Variants in FAM193A observed in about 807,000 individuals in gnomAD.
The protein encoded by FAM193A is family with sequence similarity 193 member A, also known as protein FAM193A.
In FAM193A, 22 loss-of-function variants were observed where a neutral mutation model predicts 126.5. That is an observed-to-expected ratio of 0.17 (90% CI 0.12 to 0.25). The LOEUF is 0.25. Among genes scored for constraint, FAM193A ranks in the 10% least tolerant of loss-of-function variants. The pLI is 1.00. For missense variants in FAM193A, 1,675 were observed against 1,672.8 expected, an observed-to-expected ratio of 1.00 and a Z score of -0.02; for synonymous variants, 761 against 646.8, an observed-to-expected ratio of 1.18 and a Z score of -2.68.
At chr4:2,584,291 G>A (rs972954748) in intron 1 of FAM193A, among the ~76,000 whole-genome samples, 1 of 151,904 alleles carries the variant, frequency 6.6e-6, no homozygotes, top group African/African-American at 2.4e-5. Flanking sequence ...GCGGTGCTTG[G>A]TGGCTCGCAC....
At chr4:2,694,242 C>T (rs973494925) in intron 16 of FAM193A, among the ~76,000 whole-genome samples, 20 of 152,216 alleles carry the variant, frequency 1.3e-4, no homozygotes, top group Admixed American at 1.3e-3. Context: ...CACAATACAA[C>T]AAACACTCAA....
intron 1 of FAM193A, among the ~76,000 whole-genome samples, chr4:2,568,452 G>C (rs846100): frequency 6.6e-6 from 1 of 152,202 alleles, no homozygotes; most frequent in Non-Finnish European, 1.5e-5. Context: ...CCCAGGAGTT[G>C]CAGGCTACAG....
intron 19 of FAM193A, among the ~76,000 whole-genome samples, chr4:2,710,915 G>C (rs1181924786): frequency 7.0e-6 from 1 of 143,256 alleles, no homozygotes; most frequent in Non-Finnish European, 1.5e-5. Context: ...GCAGTGGTGT[G>C]ATCTTGGCTC....
At chr4:2,672,994 TTTTTATGCATTTCTTCCC>T (rs1422069593) in intron 13 of FAM193A, among the ~76,000 whole-genome samples, 1 of 152,164 alleles carries the variant, frequency 6.6e-6, no homozygotes, top group Non-Finnish European at 1.5e-5. Context: ...AATAAGTTGA[TTTTTATGCATTTCTTCCC>T]AGAGAACCTC....
chr4:2,588,308 G>A (rs914501552), intron 1 of FAM193A, among the ~76,000 whole-genome samples: 2 of 152,220 alleles, frequency 1.3e-5, no homozygotes, highest in South Asian at 2.1e-4. Flanking sequence ...ACCTTAAGTC[G>A]TCTCCTCATC....
chr4:2,625,548 A>G (rs1158395195), intron 3 of FAM193A, 153 bp downstream of exon 3: 7 of 467,824 alleles, frequency 1.5e-5, no homozygotes, highest in Middle Eastern at 5.5e-4. Context: ...CATATGAGTA[A>G]GACAAAAACT....
intron 1 of FAM193A, among the ~76,000 whole-genome samples, chr4:2,539,399 C>T (rs1484654112): frequency 6.6e-6 from 1 of 152,088 alleles, no homozygotes; most frequent in Non-Finnish European, 1.5e-5. Flanking sequence ...CTGTGATATT[C>T]TGTTAAACTA....
rs1220036870 is a variant in FAM193A at position 2,541,137 on chromosome 4, G to A, written c.255+3967G>A. Among the ~76,000 whole-genome samples, 9 of 151,902 alleles carry A rather than the reference G, an allele frequency of 5.9e-5. No homozygotes were observed. In the South Asian group the frequency reaches 6.2e-4, roughly 11 times the overall value. On this transcript the variant is annotated intron_variant, in intron 1 of 20. Transcript: ENST00000637812. ...AATACAAAATTAACTGGGTGTGGTGGCGCATGCCTGTAATCCTAGCTACTC... is the reference window on the plus strand; with the variant it reads ...AATACAAAATTAACTGGGTGTGGTGACGCATGCCTGTAATCCTAGCTACTC...
At chr4:2,662,614 T>C (rs1712593495) in intron 10 of FAM193A, among the ~76,000 whole-genome samples, 1 of 152,252 alleles carries the variant, frequency 6.6e-6, no homozygotes, top group African/African-American at 2.4e-5. Context: ...TTTCTGTTTG[T>C]TTTTTGTTTT....
intron 14 of FAM193A, among the ~76,000 whole-genome samples, chr4:2,690,289 G>A (rs542254010): frequency 6.6e-6 from 1 of 152,282 alleles, no homozygotes; most frequent in South Asian, 2.1e-4. Flanking sequence ...CAGAGCTCCT[G>A]GCAGCCCCAC....
At chr4:2,695,542 A>G (rs1054490371) in intron 17 of FAM193A, among the ~76,000 whole-genome samples, 4 of 152,332 alleles carry the variant, frequency 2.6e-5, no homozygotes, top group African/African-American at 7.2e-5. Context: ...TATACAACCA[A>G]TTATCACCCA....
At chr4:2,575,015 C>T (rs1451552235) in intron 1 of FAM193A, among the ~76,000 whole-genome samples, 2 of 152,202 alleles carry the variant, frequency 1.3e-5, no homozygotes, top group Admixed American at 1.3e-4. Flanking sequence ...TCCTCTTCCT[C>T]TTTCTCCCAC....
Position 2,662,959 on chromosome 4 carries a change from G to T in FAM193A, c.1867G>T (p.Gly623Cys). 6.2e-7 allele frequency: 1 copy of T among 1,613,216 alleles called. No homozygotes were observed. The highest frequency in any genetic ancestry group is 1.1e-5 in the South Asian group (1 of 91,054). Residue 623 changes from glycine (G) to cysteine (C), a missense_variant, in exon 11 of 21, where the codon GGT becomes TGT. Physicochemically the swap from Gly to Cys is radical, Grantham distance 159 (BLOSUM62 -3). This residue lies in a region of FAM193A where 1,186 missense variants were observed against 1,109.2 expected (regional missense o/e 1.07). Transcript: ENST00000637812. ...GAATGGAATCCACAGCGAATTGAAT[G>T]GTGGCGGGGAAAACATGGCCCTGAA... is the stretch of plus-strand genomic sequence containing the variant. ...NMNGIHSELNGGGENMALKDE... is the reference protein window; with the variant it reads ...NMNGIHSELNCGGENMALKDE...
chr4:2,631,094 C>T lies in FAM193A; in HGVS notation c.963C>T (p.Phe321=), dbSNP rs755610595. ...AGGGCCCGCCGCAAGCGCACCAGTT[C>T]ATCTCCCTCCTGCTTGAGGAGTACG... The part of the protein sequence containing the change: ...GLQGPPQAHQ[F]ISLLLEEYGA... The change falls in exon 5 of 21, where the codon TTC becomes TTT. Residue 321 remains phenylalanine, a synonymous_variant. Transcript: ENST00000637812. 1 of 1,613,938 alleles carries T rather than the reference C, an allele frequency of 6.2e-7. No homozygotes were observed. The highest frequency in any genetic ancestry group is 1.7e-5 in the Admixed American group (1 of 60,016).
At position 2,596,084 on chromosome 4, in the gene FAM193A, A is replaced by G. The variant is rs1740843201; in HGVS notation, c.256A>G (p.Thr86Ala). Residue 86 changes from threonine to alanine, a missense_variant and splice_region_variant, in exon 2 of 21, where the codon ACT (threonine) becomes GCT (alanine). Physicochemically the swap from Thr to Ala is moderately conservative, Grantham distance 58. Coordinates refer to ENST00000637812, the MANE Select transcript of FAM193A (RefSeq NM_001366318.2). Reference sequence around the variant, plus strand: ...ATAGAATTTTTTTTTTCTATTCCAGACTCCTTTTAGTTTTGGCATGAATCA... The same window carrying G: ...ATAGAATTTTTTTTTTCTATTCCAGGCTCCTTTTAGTTTTGGCATGAATCA... The part of the protein sequence containing the change: ...GGAAPGGYFE[T>A]PFSFGMNHRT... 4.3e-6 allele frequency: 3 copies of G among 690,732 alleles called. No individual in the cohort carries two copies. The highest frequency in any genetic ancestry group is 5.3e-6 in the Non-Finnish European group (2 of 378,098). The allele number at this position is 690,732 out of a possible 1,614,324, so 42.8% of individuals were successfully genotyped here. A position where few individuals can be genotyped will look rare whatever the true frequency, so the allele number is the denominator to read the frequency against.
At chr4:2,627,989 G>T (rs1295896609) in intron 4 of FAM193A, among the ~76,000 whole-genome samples, 1 of 152,112 alleles carries the variant, frequency 6.6e-6, no homozygotes, top group African/African-American at 2.4e-5. Flanking sequence ...TGATCTGCCC[G>T]CCTCGGCCTC....
chr4:2,683,791 T>C (rs1400301363), intron 13 of FAM193A, among the ~76,000 whole-genome samples: 1 of 152,242 alleles, frequency 6.6e-6, no homozygotes, highest in Non-Finnish European at 1.5e-5. Context: ...TACCAGGTGT[T>C]ATATCTTTCG....
chr4:2,696,669 G>A, intron 18 of FAM193A, 76 bp downstream of exon 18: 1 of 1,185,904 alleles, frequency 8.4e-7, no homozygotes, highest in South Asian at 1.3e-5. Flanking sequence ...CCAGTCTCTA[G>A]GCAGGGCTGA....
intron 1 of FAM193A, among the ~76,000 whole-genome samples, chr4:2,588,802 C>T (rs918682524): frequency 6.6e-6 from 1 of 152,128 alleles, no homozygotes; most frequent in Non-Finnish European, 1.5e-5. Flanking sequence ...TCAGGACCTT[C>T]AGAGATTGAA....
Sources: gnomAD v4.1 joint callset for allele counts (sites outside exome capture counted in the v4.1 genomes callset) on GRCh38, gnomAD v4.1.1 for gene constraint, gnomAD v4.1.1 regional missense constraint, MANE v1.5 for transcripts, NCBI Gene and HGNC (gene_info 2026-07-23, HGNC 2026-07-21) for gene names.